The following CSAD variants were observed in gnomAD, a reference collection of about 807,000 sequenced individuals.
CSAD encodes the protein P-selectin cytoplasmic tail-associated protein.
A neutral mutation model predicts 61.5 loss-of-function variants in CSAD; 47 were observed. The ratio of observed to expected loss-of-function variants is 0.76; its 90% CI spans 0.60 to 0.97. The LOEUF (loss-of-function observed/expected upper bound fraction) is 0.97, where lower values mean the gene tolerates loss of function less well. Ranked by LOEUF, CSAD falls within the 50% of genes least tolerant of loss-of-function variation. The pLI is 0.00. For synonymous variants in CSAD, 245 were observed against 252.7 expected, an observed-to-expected ratio of 0.97 and a Z score of 0.29; for missense variants, 611 against 643.6, an observed-to-expected ratio of 0.95 and a Z score of 0.55.
intron 1 of CSAD, chr12:53,179,723 TTTC>T: frequency 2.8e-6 from 4 of 1,446,418 alleles, no homozygotes; most frequent in Non-Finnish European, 3.8e-6. Context: ...CAGTTTTTTT[TTTC>T]TTTTGGTATC....
intron 8 of CSAD, 124 bp downstream of exon 8, chr12:53,171,202 C>T (rs558180242): frequency 1.3e-4 from 185 of 1,449,962 alleles, no homozygotes; most frequent in Admixed American, 7.6e-4. Context: ...GAAGCACATC[C>T]GCCTGGGGGC....
Position 53,160,108 on chromosome 12 carries a change from C to T in CSAD, c.1166+12G>A. The stretch of plus-strand genomic sequence containing the variant: ...GGGGAACAGGGACGACCCCCCACCT[C>T]CTCCCGCCTACCGGGCAAGGACAAA... On this transcript the variant is annotated intron_variant, in intron 14 of 16. Coordinates refer to ENST00000444623, the MANE Select transcript of CSAD (RefSeq NM_001244705.2). 6.2e-7 allele frequency: 1 copy of T among 1,612,504 alleles called. No individual in the cohort carries two copies.
rs929313328 is a variant in CSAD at position 53,170,451 on chromosome 12, T to C, written c.619A>G (p.Ser207Gly). The part of the protein sequence containing the change: ...GAAFLGLGTD[S>G]VRVVKADERG... ...TCATCAGCCTTGACCACTCGGACAC[T>C]GTCGGTGCCAAGTCCCAGAAACGCA... The change falls in exon 9 of 17, where the codon AGT becomes GGT. Residue 207 changes from serine (S) to glycine (G), a missense_variant. Physicochemically the swap from Ser to Gly is moderately conservative, Grantham distance 56. Transcript: ENST00000444623. The C allele has an allele frequency of 1.9e-6, 3 of 1,614,008 alleles. No homozygotes were observed. Among genetic ancestry groups the C allele is most frequent in the Non-Finnish European group, 2.5e-6 (3 of 1,180,030 alleles).
At chr12:53,180,651 G>A (rs1941530739) in intron 1 of CSAD, 81 bp downstream of exon 1, 3 of 1,283,178 alleles carry the variant, frequency 2.3e-6, no homozygotes, top group Admixed American at 4.7e-5. Flanking sequence ...GGAAGTGGAT[G>A]CAGCCGCTCG....
chr12:53,180,725 A>G lies in CSAD; in HGVS notation c.-91+7T>C. The G allele has an allele frequency of 7.9e-7, 1 of 1,263,920 alleles. No individual in the cohort carries two copies. Among genetic ancestry groups the G allele is most frequent in the Non-Finnish European group, 1.0e-6 (1 of 976,416 alleles). 78.3% of individuals were successfully genotyped at this position (1,263,920 alleles called of 1,614,324 possible). A position where few individuals can be genotyped will look rare whatever the true frequency, so the allele number is the denominator to read the frequency against. On this transcript the variant is annotated splice_region_variant and intron_variant, in intron 1 of 16. Transcript: ENST00000444623. The stretch of plus-strand genomic sequence containing the variant: ...AAACGGGCCGGGGTTGGTGTTTGTA[A>G]ACTTGCCTCGGTCCCGGTGGGGGCA...
At chr12:53,177,172 A>G (rs1941170204) in intron 2 of CSAD, among the ~76,000 whole-genome samples, 1 of 152,146 alleles carries the variant, frequency 6.6e-6, no homozygotes, top group Non-Finnish European at 1.5e-5. Context: ...GTTTTGATAC[A>G]TTGTCAATCG....
In CSAD at chr12:53,173,758, G is replaced by A. The variant is rs1229801222; in HGVS notation, c.-37C>T. The A allele has an allele frequency of 6.2e-7, 1 of 1,613,114 alleles. No homozygotes were observed. The highest frequency in any genetic ancestry group is 2.2e-5 in the East Asian group (1 of 44,890). ...TGCTCAGGAGAGCCGGAGGCAGGGT[G>A]CACAGGTAGCTCCTCAGGACAGCAG... On this transcript the variant is annotated 5_prime_UTR_variant, in exon 3 of 17. Coordinates refer to ENST00000444623, the MANE Select transcript of CSAD (RefSeq NM_001244705.2).
intron 9 of CSAD, 107 bp from the exon 10 acceptor site, chr12:53,170,233 G>A: frequency 8.9e-7 from 1 of 1,123,594 alleles, no homozygotes; most frequent in Non-Finnish European, 1.3e-6. Context: ...TTCCCTCAGG[G>A]GGTGAAACAG....
At chr12:53,180,094 T>C (rs948193514) in intron 1 of CSAD, 1 of 1,376,032 alleles carries the variant, frequency 7.3e-7, no homozygotes. Context: ...CTTTGACTTC[T>C]GCAGGGAGGT....
chr12:53,163,518 C>A (rs562180320), intron 10 of CSAD, among the ~76,000 whole-genome samples: 4 of 152,106 alleles, frequency 2.6e-5, no homozygotes, highest in African/African-American at 9.7e-5. Context: ...TATCTCTATA[C>A]ACATTAGCAA....
chr12:53,178,911 G>A (rs2121523034), intron 2 of CSAD, among the ~76,000 whole-genome samples, 191 bp downstream of exon 2: 1 of 152,204 alleles, frequency 6.6e-6, no homozygotes, highest in East Asian at 1.9e-4. Flanking sequence ...GCCCAGGAAA[G>A]GCACGACTCT....
intron 2 of CSAD, 99 bp from the exon 3 acceptor site, chr12:53,173,869 A>G: frequency 8.4e-7 from 1 of 1,194,690 alleles, no homozygotes; most frequent in Non-Finnish European, 1.2e-6. Context: ...AACCATCATC[A>G]CTATCTAACG....
chr12:53,174,049 A>G (rs1480098457), intron 2 of CSAD: 6 of 402,726 alleles, frequency 1.5e-5, no homozygotes, highest in Non-Finnish European at 2.8e-5. Flanking sequence ...TCACGCCTGT[A>G]ATCCCAGCAC....
At position 53,173,344 on chromosome 12, in the gene CSAD, CCTT is replaced by C. The variant is rs1370052108; in HGVS notation, c.124_126del (p.Lys42del). On this transcript the variant is annotated inframe_deletion and splice_region_variant, in exon 4 of 17. Transcript: ENST00000444623. ...GGAAGGAGGAGGAAGAAAGGACTCA[CCTT>C]CTGGGAGACACTGGTTCCTTTCTGA... 2 of 1,613,786 alleles carry C rather than the reference CCTT, an allele frequency of 1.2e-6. No individual in the cohort carries two copies. Among genetic ancestry groups the C allele is most frequent in the Admixed American group, 3.3e-5 (2 of 60,008 alleles).
In CSAD at chr12:53,166,175, A is replaced by G. The variant is rs767012735; in HGVS notation, c.702+3897T>C. The G allele has an allele frequency of 9.7e-4, 148 of 152,168 alleles. 6 individuals carry two copies. Among genetic ancestry groups the G allele is most frequent in the Non-Finnish European group, 2.2e-4 (15 of 68,008 alleles). The allele number at this position is 152,168 out of a possible 1,614,324, so 9.4% of individuals were successfully genotyped here. A position where few individuals can be genotyped will look rare whatever the true frequency, so the allele number is the denominator to read the frequency against. On this transcript the variant is annotated intron_variant, in intron 10 of 16. Coordinates refer to ENST00000444623, the MANE Select transcript of CSAD (RefSeq NM_001244705.2). The stretch of plus-strand genomic sequence containing the variant: ...GAAACCCCGTCTCTGCTAAAAATAC[A>G]AAAAATTAGCTGGGCATGGTGGTGC...
chr12:53,179,410 G>A (rs1417952962), intron 1 of CSAD, among the ~76,000 whole-genome samples: 1 of 152,214 alleles, frequency 6.6e-6, no homozygotes, highest in African/African-American at 2.4e-5. Context: ...AAACTGGTAA[G>A]AATGATTCCC....
At position 53,180,789 on chromosome 12, in the gene CSAD, G is replaced by A; in HGVS notation, c.-148C>T. On this transcript the variant is annotated 5_prime_UTR_variant, in exon 1 of 17. Transcript: ENST00000444623. The stretch of plus-strand genomic sequence containing the variant: ...GGTTGGCAGGGTGTGCTGGGGCCTG[G>A]AGGAGGCGCCGCGCGGCCAGGGAGC... 7.9e-7 allele frequency: 1 copy of A among 1,273,286 alleles called. No individual in the cohort carries two copies. The highest frequency in any genetic ancestry group is 1.0e-6 in the Non-Finnish European group (1 of 982,626). The allele number at this position is 1,273,286 out of a possible 1,614,324, so 78.9% of individuals were successfully genotyped here.
chr12:53,161,499 C>G, intron 10 of CSAD, 110 bp from the exon 11 acceptor site: 1 of 779,916 alleles, frequency 1.3e-6, no homozygotes, highest in Non-Finnish European at 2.2e-6. Context: ...TGGCCCATTT[C>G]AACCTCACAA....
At chr12:53,158,807 G>A in intron 16 of CSAD, 123 bp from the exon 17 acceptor site, 1 of 844,474 alleles carries the variant, frequency 1.2e-6, no homozygotes, top group Non-Finnish European at 1.8e-6. Context: ...TCTGGGGGTA[G>A]CACACCTTGC....
Sources: allele counts gnomAD v4.1 joint callset (sites outside exome capture counted in the v4.1 genomes callset), GRCh38; gene constraint gnomAD v4.1.1; transcripts MANE v1.5; gene names NCBI Gene and HGNC (gene_info 2026-07-23, HGNC 2026-07-21).